The following RTN4 variants were observed in gnomAD, a reference collection of about 807,000 sequenced individuals.
The protein encoded by RTN4 is reticulon-4.
In RTN4, 32 loss-of-function variants were observed where a neutral mutation model predicts 90.4. That is an observed-to-expected ratio of 0.35 (90% CI 0.27 to 0.48). The LOEUF (loss-of-function observed/expected upper bound fraction) is 0.48, where lower values mean the gene tolerates loss of function less well. Ranked by LOEUF, RTN4 falls within the 20% of genes least tolerant of loss-of-function variation. The pLI, the probability that RTN4 is intolerant of heterozygous loss-of-function variation, is 0.99. For missense variants in RTN4, 1,706 were observed against 1,430.2 expected (o/e 1.19, Z -3.11); for synonymous variants, 629 against 552.5 (o/e 1.14, Z -1.94).
Position 55,026,653 on chromosome 2 carries a change from CAA to C in RTN4, c.1444_1445del (p.Leu482ValfsTer9), listed in dbSNP as rs755483679. On this transcript the variant is annotated frameshift_variant, in exon 3 of 9. Coordinates refer to ENST00000337526, the MANE Select transcript of RTN4 (RefSeq NM_020532.5). LOFTEE classifies it high-confidence loss of function. ...TESIATNIFPLLGDPTSENKT... is the reference protein window; with the variant it reads ...TESIATNIFPXLGDPTSENKT... ...TATTTTCTGAAGTAGGATCTCCTAA[CAA>C]AGGAAAAATGTTTGTTGCAATGCTC... The C allele has an allele frequency of 6.2e-7, 1 of 1,612,970 alleles. No individual in the cohort carries two copies. Among genetic ancestry groups the C allele is most frequent in the Non-Finnish European group, 8.5e-7 (1 of 1,179,726 alleles).
intron 3 of RTN4, among the ~76,000 whole-genome samples, chr2:55,021,466 CTT>C (rs3214741): frequency 3.3e-4 from 47 of 140,714 alleles, no homozygotes; most frequent in South Asian, 9.0e-4. Context: ...TGCTTTTACA[CTT>C]TTTTTTTTTT....
intron 3 of RTN4, among the ~76,000 whole-genome samples, chr2:54,993,990 G>T (rs1039665759): frequency 6.6e-6 from 1 of 152,160 alleles, no homozygotes; most frequent in Non-Finnish European, 1.5e-5. Flanking sequence ...AAACAGTGTG[G>T]CTGACTTAAT....
Position 54,987,756 on chromosome 2 carries a change from T to C in RTN4, c.3014-58A>G, listed in dbSNP as rs1360343382. ...TGTTATTTTATCAATTTGGATTTGC[T>C]CCATCTATGAAAACAAAAACGCTAC... is the stretch of plus-strand genomic sequence containing the variant. On this transcript the variant is annotated intron_variant, in intron 3 of 8. Transcript: ENST00000337526. The C allele has an allele frequency of 2.1e-6, 3 of 1,439,794 alleles. No homozygotes were observed. The African/African-American group carries it at 4.2e-5, about 20-fold the overall frequency. 89.2% of individuals were successfully genotyped at this position (1,439,794 alleles called of 1,614,324 possible).
chr2:55,007,619 G>A (rs529091101), intron 3 of RTN4, among the ~76,000 whole-genome samples: 1 of 151,978 alleles, frequency 6.6e-6, no homozygotes, highest in Admixed American at 6.6e-5. Flanking sequence ...ACTGTTTCCC[G>A]AATTTGCCCA....
At chr2:55,052,302 G>C (rs1049518981), upstream of RTN4, among the ~76,000 whole-genome samples, 1 of 152,188 alleles carries the variant, frequency 6.6e-6, no homozygotes, top group Non-Finnish European at 1.5e-5. Context: ...GGAAACTGTG[G>C]TTAGGGGGCA....
intron 1 of RTN4, among the ~76,000 whole-genome samples, chr2:55,086,746 C>G (rs1001369814): frequency 6.6e-6 from 1 of 152,018 alleles, no homozygotes; most frequent in African/African-American, 2.4e-5. Context: ...CCCCTTTCAG[C>G]CATCATCTTT....
At chr2:54,999,582 T>C (rs1395393068) in intron 3 of RTN4, among the ~76,000 whole-genome samples, 1 of 152,142 alleles carries the variant, frequency 6.6e-6, no homozygotes, top group African/African-American at 2.4e-5. Context: ...TCTTTAATAA[T>C]GCCAGGTGAG....
chr2:55,025,866 C>G lies in RTN4; in HGVS notation c.2233G>C (p.Val745Leu), dbSNP rs962669910. Residue 745 changes from valine to leucine, a missense_variant, in exon 3 of 9, where the codon GTT (valine) becomes CTT (leucine). Val to Leu is a conservative substitution (Grantham distance 32). Coordinates refer to ENST00000337526, the MANE Select transcript of RTN4 (RefSeq NM_020532.5). Reference sequence around the variant, plus strand: ...ATTGAATCATCACTAAATAAGTCAACTGGTTCAGAATCAGGTGAGGAATCT... The same window carrying G: ...ATTGAATCATCACTAAATAAGTCAAGTGGTTCAGAATCAGGTGAGGAATCT... ...VEDSSPDSEPVDLFSDDSIPD... is the reference protein window; with the variant it reads ...VEDSSPDSEPLDLFSDDSIPD... 1 of 1,613,746 alleles carries G rather than the reference C, an allele frequency of 6.2e-7. No homozygotes were observed. Among genetic ancestry groups the G allele is most frequent in the African/African-American group, 1.3e-5 (1 of 75,012 alleles).
At chr2:54,981,099 G>A (rs575430914) in intron 5 of RTN4, among the ~76,000 whole-genome samples, 1 of 152,062 alleles carries the variant, frequency 6.6e-6, no homozygotes, top group Non-Finnish European at 1.5e-5. Context: ...ATACGAAAGA[G>A]GTAAGTAATA....
At chr2:54,986,105 T>A (rs1678538637) in intron 4 of RTN4, among the ~76,000 whole-genome samples, 1 of 152,086 alleles carries the variant, frequency 6.6e-6, no homozygotes, top group Admixed American at 6.6e-5. Flanking sequence ...AGCATGAACA[T>A]GGGTACAAAA....
intron 1 of RTN4, among the ~76,000 whole-genome samples, chr2:55,111,744 G>GA (rs1668042103): frequency 6.6e-6 from 1 of 152,116 alleles, no homozygotes; most frequent in African/African-American, 2.4e-5. Context: ...AGTAAGTGTT[G>GA]AAAAAACGTT....
intron 2 of RTN4, among the ~76,000 whole-genome samples, chr2:55,067,372 T>C (rs139150112): frequency 1.3e-5 from 2 of 152,212 alleles, no homozygotes; most frequent in East Asian, 3.9e-4. Flanking sequence ...ATAGCACATG[T>C]TTGCTTTGAA....
At chr2:55,061,869 C>T (rs1158789916) in intron 2 of RTN4, among the ~76,000 whole-genome samples, 1 of 152,124 alleles carries the variant, frequency 6.6e-6, no homozygotes, top group Admixed American at 6.6e-5. Context: ...GTTGCATTTC[C>T]CAAGACCCCC....
At position 55,110,774 on chromosome 2, in the gene RTN4, C is replaced by T. The variant is rs752906469; in HGVS notation, c.-214+1746G>A. ...ATCTACGCCAGGCCAGGCACGGTAG[C>T]TCATGCCTATAATCCCAGCACTTTG... On this transcript the variant is annotated intron_variant, in intron 1 of 3. Transcript: ENST00000427710. 3.3e-5 allele frequency among the ~76,000 whole-genome samples: 5 copies of T among 152,346 alleles called. No homozygotes were observed. The South Asian group carries it at 6.2e-4, about 19-fold the overall frequency.
chr2:55,131,650 G>A, the RTN4 span, among the ~76,000 whole-genome samples: 5 of 152,164 alleles, frequency 3.3e-5, no homozygotes, highest in South Asian at 2.1e-4. Flanking sequence ...TTGGGAAGCC[G>A]AGGTGGGTGT....
chr2:55,048,475 A>C (rs545341666), intron 1 of RTN4, among the ~76,000 whole-genome samples: 6 of 152,202 alleles, frequency 3.9e-5, no homozygotes, highest in South Asian at 2.1e-4. Context: ...GAAATTTTAT[A>C]TTCTTATTCT....
chr2:55,028,170 A>T lies in RTN4; in HGVS notation c.607T>A (p.Ser203Thr). 6.2e-7 allele frequency: 1 copy of T among 1,612,852 alleles called. No homozygotes were observed. Among genetic ancestry groups the T allele is most frequent in the Non-Finnish European group, 8.5e-7 (1 of 1,179,340 alleles). Residue 203 changes from serine to threonine, a missense_variant, in exon 2 of 9, where the codon TCT becomes ACT. Coordinates refer to ENST00000337526, the MANE Select transcript of RTN4 (RefSeq NM_020532.5). ...GCTGGCAGAAAGAACTTGCCTGCAG[A>T]GGAGCGTATCACAGGCTCAGATGCA... is the stretch of plus-strand genomic sequence containing the variant. Reference protein sequence around the residue: ...PAASEPVIRSSAENMDLKEQP... With the variant: ...PAASEPVIRSTAENMDLKEQP...
intron 3 of RTN4, among the ~76,000 whole-genome samples, chr2:55,014,096 A>G (rs572332571): frequency 2.0e-4 from 31 of 152,342 alleles, no homozygotes; most frequent in Non-Finnish European, 3.2e-4. Context: ...AAAGGAGTTA[A>G]TTTTTAAAAC....
chr2:55,116,794 T>C (rs1573527790), upstream of RTN4, among the ~76,000 whole-genome samples: 2 of 152,080 alleles, frequency 1.3e-5, no homozygotes, highest in East Asian at 3.9e-4. Context: ...GGTCAATAAC[T>C]GCAACTTAGA....
Sources: gnomAD v4.1 joint callset for allele counts (sites outside exome capture counted in the v4.1 genomes callset) on GRCh38, gnomAD v4.1.1 for gene constraint, MANE v1.5 for transcripts, NCBI Gene and HGNC (gene_info 2026-07-23, HGNC 2026-07-21) for gene names.